Variants in RYR2 observed in about 807,000 individuals in gnomAD.
RYR2 encodes the protein ryanodine receptor 2.
Under a neutral mutation model 601.1 loss-of-function variants are expected in RYR2, and 227 were observed. The ratio of observed to expected loss-of-function variants is 0.38; its 90% CI spans 0.34 to 0.42. The LOEUF (loss-of-function observed/expected upper bound fraction) is 0.42. RYR2 is among the 10% of genes least tolerant of loss of function. RYR2 has a pLI of 1.00. For synonymous variants in RYR2, 2,223 were observed against 2,175.1 expected (o/e 1.02, Z -0.61); for missense variants, 4,646 against 6,156.5 (o/e 0.75, Z 8.21).
chr1:237,336,183 T>G (rs1221485990), intron 3 of RYR2, among the ~76,000 whole-genome samples: 1 of 152,182 alleles, frequency 6.6e-6, no homozygotes, highest in African/African-American at 2.4e-5. Flanking sequence ...TTACATTTTC[T>G]TGGCACTTTT....
At chr1:237,248,060 TCAGAAGTTTGAGCC>T (rs1489475225) in intron 1 of RYR2, among the ~76,000 whole-genome samples, 4 of 151,872 alleles carry the variant, frequency 2.6e-5, no homozygotes, top group Non-Finnish European at 4.4e-5. Flanking sequence ...GATCACGAGG[TCAGAAGTTTGAGCC>T]CAGCCTGGGT....
intron 62 of RYR2, among the ~76,000 whole-genome samples, chr1:237,682,350 A>C (rs1685961930): frequency 6.6e-6 from 1 of 152,168 alleles, no homozygotes; most frequent in African/African-American, 2.4e-5. Flanking sequence ...GCTCTAGACT[A>C]ACCCTAGACC....
chr1:237,440,861 C>T (rs186573593), intron 12 of RYR2, among the ~76,000 whole-genome samples: 52 of 151,830 alleles, frequency 3.4e-4, no homozygotes, highest in Middle Eastern at 6.8e-3. Context: ...ACCTTATTAG[C>T]TTTATTTATG....
At chr1:237,158,226 A>G (rs1219874206) in intron 1 of RYR2, among the ~76,000 whole-genome samples, 2 of 152,162 alleles carry the variant, frequency 1.3e-5, no homozygotes, top group African/African-American at 4.8e-5. Context: ...ATAGTTATAG[A>G]TGGAGTGAGT....
At chr1:237,694,188 G>T (rs1687205662) in intron 63 of RYR2, among the ~76,000 whole-genome samples, 1 of 151,820 alleles carries the variant, frequency 6.6e-6, no homozygotes, top group Non-Finnish European at 1.5e-5. Context: ...CAGCTACTCG[G>T]GAGGCTGAGG....
intron 8 of RYR2, among the ~76,000 whole-genome samples, chr1:237,384,852 AG>A (rs1275410915): frequency 6.6e-6 from 1 of 151,978 alleles, no homozygotes; most frequent in Non-Finnish European, 1.5e-5. Context: ...GCATTTTTAA[AG>A]GCTTTTTCCT....
In RYR2 at chr1:237,707,254, A is replaced by G; in HGVS notation, c.9886A>G (p.Met3296Val). ...CTTGGGGATTGATGAGGGAGCCTGG[A>G]TGAAGAGGCTAGCAGGTAAGAACTG... ...NNLGIDEGAW[M>V]KRLAVFSQPI... is the part of the protein sequence containing the mutation. The change falls in exon 68 of 105, where the codon ATG (methionine) becomes GTG (valine). Residue 3296 changes from methionine to valine, a missense_variant. By Grantham distance (21) the Met-to-Val change is conservative. Around this residue, in one of 17 missense-constraint regions of RYR2, gnomAD observed 1,497 missense variants for 1,842.6 expected, o/e 0.81. Transcript: ENST00000366574. The G allele has an allele frequency of 6.5e-7, 1 of 1,538,670 alleles. No individual in the cohort carries two copies. The highest frequency in any genetic ancestry group is 8.8e-7 in the Non-Finnish European group (1 of 1,132,444).
intron 8 of RYR2, among the ~76,000 whole-genome samples, chr1:237,379,416 G>GGTT (rs1276808277): frequency 6.6e-6 from 1 of 152,118 alleles, no homozygotes; most frequent in African/African-American, 2.4e-5. Flanking sequence ...TAAAAAATGA[G>GGTT]GTTGATGCTG....
At chr1:237,803,494 G>C (rs1056269411) in intron 98 of RYR2, among the ~76,000 whole-genome samples, 4 of 152,050 alleles carry the variant, frequency 2.6e-5, no homozygotes, top group East Asian at 1.9e-4. Context: ...TAGAGACGGG[G>C]TTTCACCATG....
intron 27 of RYR2, among the ~76,000 whole-genome samples, chr1:237,555,756 A>G (rs961467440): frequency 6.6e-6 from 1 of 152,158 alleles, no homozygotes; most frequent in African/African-American, 2.4e-5. Flanking sequence ...CTTAATAATA[A>G]ATGTCTAAAG....
In RYR2 at chr1:237,121,744, T is replaced by G. The variant is rs551053222; in HGVS notation, c.48+79175T>G. Among the ~76,000 whole-genome samples the G allele has an allele frequency of 5.2e-4, 79 of 152,334 alleles. 1 individual carries two copies. The Middle Eastern group carries it at 0.01, about 20-fold the overall frequency. On this transcript the variant is annotated intron_variant, in intron 1 of 104. Transcript: ENST00000366574. The stretch of plus-strand genomic sequence containing the variant: ...GTTCTGTGAGAAACGGAGGCCACCA[T>G]GGGTTCCTTGGGGCAGGCATGGCGG...
Position 237,204,668 on chromosome 1 carries a change from T to C in RYR2, c.49-65829T>C, listed in dbSNP as rs556255224. 8.5e-5 allele frequency among the ~76,000 whole-genome samples: 13 copies of C among 152,258 alleles called. No homozygotes were observed. The South Asian group carries it at 2.7e-3, about 32-fold the overall frequency. On this transcript the variant is annotated intron_variant, in intron 1 of 104. Transcript: ENST00000366574. ...GGTTCTGGTTTCAGACTTCACTTTA[T>C]ATTGGCGGGGTTTTAAAGCTAGAGG...
At chr1:237,520,452 G>A (rs1198494064) in intron 24 of RYR2, among the ~76,000 whole-genome samples, 1 of 152,098 alleles carries the variant, frequency 6.6e-6, no homozygotes, top group Non-Finnish European at 1.5e-5. Context: ...GTTGTATATG[G>A]CCTTTATTAT....
chr1:237,161,352 TG>T lies in RYR2; in HGVS notation c.49-109140del, dbSNP rs1675989847. 3.4e-5 allele frequency among the ~76,000 whole-genome samples: 3 copies of T among 88,758 alleles called. No individual in the cohort carries two copies. In the South Asian group the frequency reaches 1.1e-3, roughly 33 times the overall value. 58.2% of individuals were successfully genotyped at this position (88,758 alleles called of 152,430 possible). On this transcript the variant is annotated intron_variant, in intron 1 of 104. Transcript: ENST00000366574. ...CCTGTCTTCCCTGTCAAGAAAATTT[TG>T]GGGGAAAAAAAAAGAAAACATTGTG... is the stretch of plus-strand genomic sequence containing the variant.
At chr1:237,608,553 T>G (rs535637808) in intron 35 of RYR2, among the ~76,000 whole-genome samples, 103 of 152,130 alleles carry the variant, frequency 6.8e-4, no homozygotes, top group African/African-American at 2.0e-3. Flanking sequence ...AAAAATTATT[T>G]TAGGCAGATG....
At chr1:237,830,051 C>T (rs757012501) in intron 102 of RYR2, 1 of 157,124 alleles carries the variant, frequency 6.4e-6, no homozygotes, top group Non-Finnish European at 1.4e-5. Flanking sequence ...TGGGATGTCT[C>T]ATAGCTTGGT....
At chr1:237,094,060 G>A (rs1233540463) in intron 1 of RYR2, among the ~76,000 whole-genome samples, 1 of 152,194 alleles carries the variant, frequency 6.6e-6, no homozygotes, top group Admixed American at 6.5e-5. Flanking sequence ...GGGCCAGTGG[G>A]GCAGGCGAGC....
rs1659916199 is a variant in RYR2 at position 237,801,182 on chromosome 1, A to G, written c.14091-674A>G. Reference sequence around the variant, plus strand: ...GCAATTGCAAGTGCATATGAAAGTGAGGAAATGTTTGATGTGTACATATGT... The same window carrying G: ...GCAATTGCAAGTGCATATGAAAGTGGGGAAATGTTTGATGTGTACATATGT... On this transcript the variant is annotated intron_variant, in intron 97 of 104. Transcript: ENST00000366574. Among the ~76,000 whole-genome samples the G allele has an allele frequency of 2.6e-5, 4 of 152,230 alleles. No homozygotes were observed. The South Asian group carries it at 8.3e-4, about 32-fold the overall frequency.
chr1:237,481,667 G>T (rs532147970), intron 17 of RYR2, among the ~76,000 whole-genome samples: 211 of 151,966 alleles, frequency 1.4e-3, no homozygotes, highest in African/African-American at 4.8e-3. Context: ...TCACTCATTG[G>T]CAGTTTAATT....
Sources: allele counts gnomAD v4.1 joint callset (sites outside exome capture counted in the v4.1 genomes callset), GRCh38; gene constraint gnomAD v4.1.1; regional missense constraint gnomAD v4.1.1; transcripts MANE v1.5; gene names NCBI Gene and HGNC (gene_info 2026-07-23, HGNC 2026-07-21).